The following IQSEC1 variants were observed in gnomAD, a reference collection of about 807,000 sequenced individuals.
IQSEC1 encodes the protein IQ motif and Sec7 domain ArfGEF 1.
Under a neutral mutation model 91.0 loss-of-function variants are expected in IQSEC1, and 31 were observed. That is an observed-to-expected ratio of 0.34 (90% CI 0.26 to 0.46). The LOEUF (loss-of-function observed/expected upper bound fraction) is 0.46. Among genes scored for constraint, IQSEC1 ranks in the 20% least tolerant of loss-of-function variants. The pLI is 1.00. For missense variants in IQSEC1, 1,388 were observed against 1,575.6 expected (o/e 0.88, Z 2.02); for synonymous variants, 699 against 662.6 (o/e 1.05, Z -0.84).
At chr3:13,063,828 G>T (rs1576228310) in intron 1 of IQSEC1, among the ~76,000 whole-genome samples, 2 of 152,324 alleles carry the variant, frequency 1.3e-5, no homozygotes, top group Middle Eastern at 3.4e-3. Context: ...GGAGTGGAGG[G>T]CAGTAGAGGT....
intron 1 of IQSEC1, among the ~76,000 whole-genome samples, chr3:13,176,093 C>T (rs564827117): frequency 6.6e-6 from 1 of 152,336 alleles, no homozygotes; most frequent in South Asian, 2.1e-4. Context: ...TCTGGGGACA[C>T]TCAAGCAACC....
chr3:13,121,459 G>A (rs1576259640), intron 2 of IQSEC1, among the ~76,000 whole-genome samples: 1 of 152,238 alleles, frequency 6.6e-6, no homozygotes, highest in East Asian at 1.9e-4. Context: ...CTGAGTGAGT[G>A]GATGAATGAA....
At chr3:12,950,867 C>T (rs2125416256) in intron 1 of IQSEC1, among the ~76,000 whole-genome samples, 1 of 152,086 alleles carries the variant, frequency 6.6e-6, no homozygotes, top group South Asian at 2.1e-4. Context: ...AGGATGGTCT[C>T]GATCTCCTGA....
At position 13,020,244 on chromosome 3, in the gene IQSEC1, G is replaced by A. The variant is rs149996995; in HGVS notation, c.23+52748C>T. ...GTCACCCACCCAGGAGGTCTATCCC[G>A]GGGTCTGGGGCAGGGGCAGGGGCAG... is the stretch of plus-strand genomic sequence containing the variant. On this transcript the variant is annotated intron_variant, in intron 1 of 13. Transcript: ENST00000613206. 4.8e-3 allele frequency among the ~76,000 whole-genome samples: 735 copies of A among 152,282 alleles called. 7 individuals are homozygous for A. The highest frequency in any genetic ancestry group is 0.017 in the African/African-American group (702 of 41,552).
intron 1 of IQSEC1, among the ~76,000 whole-genome samples, chr3:13,276,582 G>A (rs1345265488): frequency 5.9e-5 from 9 of 152,300 alleles, no homozygotes; most frequent in South Asian, 4.1e-4. Context: ...GGCTGAGGCA[G>A]GGCTGGGATC....
rs1350356657 is a variant in IQSEC1 at position 12,899,762 on chromosome 3, AGGTTCGAGAGTGGTTCCT to A, written c.*1203_*1220del. ...TTGCTAAACGCTAAAGTCAACCTTC[AGGTTCGAGAGTGGTTCCT>A]GATGAAAACACTCTCTGAGGGCTTC... On this transcript the variant is annotated 3_prime_UTR_variant, in exon 14 of 14. Transcript: ENST00000613206. 4 of 985,310 alleles carry A rather than the reference AGGTTCGAGAGTGGTTCCT, an allele frequency of 4.1e-6. No individual in the cohort carries two copies. The Admixed American group carries it at 2.5e-4, about 61-fold the overall frequency. 61.0% of individuals were successfully genotyped at this position (985,310 alleles called of 1,614,324 possible). A position where few individuals can be genotyped will look rare whatever the true frequency, so the allele number is the denominator to read the frequency against.
intron 1 of IQSEC1, among the ~76,000 whole-genome samples, chr3:13,061,248 C>T (rs574607732): frequency 1.3e-5 from 2 of 152,296 alleles, no homozygotes; most frequent in African/African-American, 2.4e-5. Flanking sequence ...CTCTCTTCAT[C>T]GTTCCTCCCC....
At chr3:13,272,835 C>T (rs1412370011) in intron 1 of IQSEC1, among the ~76,000 whole-genome samples, 1 of 152,090 alleles carries the variant, frequency 6.6e-6, no homozygotes, top group Non-Finnish European at 1.5e-5. Flanking sequence ...GAGGCTGCAG[C>T]GTTAAAGGGA....
intron 1 of IQSEC1, among the ~76,000 whole-genome samples, chr3:12,946,743 G>A (rs1276185071): frequency 6.6e-6 from 1 of 152,120 alleles, no homozygotes; most frequent in East Asian, 1.9e-4. Flanking sequence ...TGATGTGGCC[G>A]AGAAGCCAGT....
At chr3:12,939,258 G>A (rs545200464) in intron 2 of IQSEC1, among the ~76,000 whole-genome samples, 97 of 152,206 alleles carry the variant, frequency 6.4e-4, no homozygotes, top group African/African-American at 1.4e-3. Context: ...TCCCCCATCC[G>A]GCCCTCACTT....
intron 1 of IQSEC1, among the ~76,000 whole-genome samples, chr3:13,006,837 G>A (rs549051586): frequency 4.2e-4 from 64 of 152,326 alleles, no homozygotes; most frequent in South Asian, 6.2e-4. Context: ...AGAAACCCAC[G>A]TGGAGCCCAG....
intron 1 of IQSEC1, among the ~76,000 whole-genome samples, chr3:13,191,900 G>A (rs924624283): frequency 5.3e-5 from 8 of 152,120 alleles, no homozygotes; most frequent in Non-Finnish European, 1.2e-4. Flanking sequence ...TTCATTTCAT[G>A]ACAAATAGAT....
intron 1 of IQSEC1, among the ~76,000 whole-genome samples, chr3:13,005,621 C>T (rs890765038): frequency 6.6e-6 from 1 of 152,216 alleles, no homozygotes; most frequent in African/African-American, 2.4e-5. Context: ...GGCCACTGAG[C>T]ACTCAGGATG....
intron 2 of IQSEC1, among the ~76,000 whole-genome samples, chr3:13,084,065 C>T (rs1375695869): frequency 6.6e-6 from 1 of 152,196 alleles, no homozygotes; most frequent in African/African-American, 2.4e-5. Context: ...GTTCATGCCT[C>T]CTGCAGGGTC....
At chr3:13,048,749 A>G (rs1241246200) in intron 1 of IQSEC1, among the ~76,000 whole-genome samples, 1 of 152,130 alleles carries the variant, frequency 6.6e-6, no homozygotes, top group Non-Finnish European at 1.5e-5. Flanking sequence ...CCGCTGGTAG[A>G]TCCTATGTTC....
In IQSEC1 at chr3:12,909,683, T is replaced by C. The variant is rs1022718347; in HGVS notation, c.2417-249A>G. Among the ~76,000 whole-genome samples the C allele has an allele frequency of 6.6e-6, 1 of 152,220 alleles. No homozygotes were observed. Among genetic ancestry groups the C allele is most frequent in the Non-Finnish European group, 1.5e-5 (1 of 68,034 alleles). ...AGTGGTCGAGCTCAGGGGAGGCTGC[T>C]GGGGCCGCGTCCTGGAGGAGGACAG... On this transcript the variant is annotated intron_variant, in intron 10 of 13. Coordinates refer to ENST00000613206, the MANE Select transcript of IQSEC1 (RefSeq NM_001134382.3). This position sits in a 1 kb window ranked among gnomAD's most constrained non-coding sequence, Gnocchi z 4.9.
intron 2 of IQSEC1, among the ~76,000 whole-genome samples, chr3:13,154,484 CTG>C (rs1707056234): frequency 1.3e-4 from 4 of 31,398 alleles, no homozygotes; most frequent in Non-Finnish European, 2.1e-4. Flanking sequence ...TATGCAAAAA[CTG>C]ATACAACTGA....
chr3:13,249,981 C>T (rs1328891567), intron 1 of IQSEC1, among the ~76,000 whole-genome samples: 1 of 152,260 alleles, frequency 6.6e-6, no homozygotes, highest in African/African-American at 2.4e-5. Flanking sequence ...GGCCCGTCAG[C>T]TCCATTGCTG....
chr3:13,074,318 A>G (rs1705527338), upstream of IQSEC1, among the ~76,000 whole-genome samples: 1 of 145,962 alleles, frequency 6.9e-6, no homozygotes, highest in Admixed American at 7.0e-5. Flanking sequence ...AGCCTGGTGT[A>G]TTTGACTGGC....
Sources: allele counts gnomAD v4.1 joint callset (sites outside exome capture counted in the v4.1 genomes callset), GRCh38; gene constraint gnomAD v4.1.1; non-coding constraint Gnocchi (gnomAD v3.1); transcripts MANE v1.5; gene names NCBI Gene and HGNC (gene_info 2026-07-23, HGNC 2026-07-21).